BCL11A: variants seen among roughly 807,000 people sequenced by gnomAD.
BCL11A encodes B cell CLL/lymphoma 11A.
BCL11A carries 2 observed loss-of-function variants against 55.9 expected under a neutral mutation model. The ratio of observed to expected loss-of-function variants is 0.04; its 90% CI spans 0.01 to 0.11. BCL11A has a LOEUF of 0.11. Ranked by LOEUF, BCL11A falls within the 10% of genes least tolerant of loss-of-function variation. The pLI is 1.00. For synonymous variants in BCL11A, 465 were observed against 473.4 expected (o/e 0.98, Z 0.23); for missense variants, 817 against 1,137.1 (o/e 0.72, Z 4.05).
chr2:60,512,456 T>G (rs777201054), intron 2 of BCL11A, among the ~76,000 whole-genome samples: 5 of 152,152 alleles, frequency 3.3e-5, no homozygotes, highest in South Asian at 2.1e-4. Context: ...CCACACACAC[T>G]CGCCTCTCAA....
chr2:60,536,028 A>T (rs2104671242), intron 2 of BCL11A: 1 of 152,060 alleles, frequency 6.6e-6, no homozygotes, highest in Non-Finnish European at 1.5e-5. Flanking sequence ...TCCCAACCCC[A>T]ACCTCTCCAA....
Position 60,546,276 on chromosome 2 carries a change from G to C in BCL11A, c.80C>G (p.Thr27Arg), listed in dbSNP as rs762720504. The C allele has an allele frequency of 6.8e-6, 11 of 1,613,742 alleles. No homozygotes were observed. The Admixed American group carries it at 8.3e-5, about 12-fold the overall frequency. The change falls in exon 2 of 4, where the codon ACA becomes AGA. Residue 27 changes from threonine to arginine, a missense_variant. Thr to Arg is a moderately conservative substitution (Grantham distance 71). Around this residue, in one of 4 missense-constraint regions of BCL11A, gnomAD observed 363 missense variants for 486.6 expected, o/e 0.75. Transcript: ENST00000642384. This position sits in a 1 kb window ranked among gnomAD's most constrained non-coding sequence, Gnocchi z 4.1. ...FSPEPLEAILTDDEPDHGPLG... is the reference protein window; with the variant it reads ...FSPEPLEAILRDDEPDHGPLG... ...CGGGCCGTGGTCTGGTTCATCATCT[G>C]TAAGAATGGCTTCAAGAGGCTCGGC...
intron 2 of BCL11A, among the ~76,000 whole-genome samples, chr2:60,514,590 C>T (rs912096419): frequency 6.6e-6 from 1 of 150,888 alleles, no homozygotes; most frequent in African/African-American, 2.4e-5. Context: ...ATCACTTGAA[C>T]CTGGGAGGCG....
At chr2:60,495,815 C>T (rs750837227) in intron 2 of BCL11A, 3 of 152,154 alleles carry the variant, frequency 2.0e-5, no homozygotes, top group Non-Finnish European at 4.4e-5. Context: ...AATTCAATAC[C>T]CCTTCCCCCA....
In BCL11A at chr2:60,460,941, C is replaced by T. The variant is rs149363449; in HGVS notation, c.1971G>A (p.Ser657=). The change falls in exon 4 of 4, where the codon TCG becomes TCA. Residue 657 remains serine, a synonymous_variant. Transcript: ENST00000642384. ...AAMPNTENVY[S]QWLAGYAASR... ...AGGCCGCGTAGCCGGCGAGCCACTG[C>T]GAGTACACGTTCTCCGTGTTGGGCA... is the stretch of plus-strand genomic sequence containing the variant. 5.8e-5 allele frequency: 93 copies of T among 1,612,964 alleles called. No homozygotes were observed. In the African/African-American group the frequency reaches 1.0e-3, roughly 18 times the overall value.
downstream of BCL11A, chr2:60,457,121 C>A: frequency 2.2e-6 from 1 of 459,878 alleles, no homozygotes. Context: ...GACTGGCCTT[C>A]TCTTAAAACC....
intron 2 of BCL11A, chr2:60,535,005 T>TC (rs2104663402): frequency 6.6e-6 from 1 of 152,324 alleles, no homozygotes; most frequent in African/African-American, 2.4e-5. Context: ...ACCTTTTTTT[T>TC]CTCCTTCAGC....
intron 1 of BCL11A, 73 bp downstream of exon 1, chr2:60,553,143 C>T: frequency 6.7e-7 from 1 of 1,487,314 alleles, no homozygotes; most frequent in Non-Finnish European, 9.1e-7. Context: ...CTCTCTCCCC[C>T]TCGCTTTTGC....
At chr2:60,513,010 G>A (rs1264815869) in intron 2 of BCL11A, among the ~76,000 whole-genome samples, 1 of 152,038 alleles carries the variant, frequency 6.6e-6, no homozygotes, top group Non-Finnish European at 1.5e-5. Context: ...AGTCACAGTG[G>A]ACCACACCAC....
chr2:60,537,287 A>AT (rs1410313756), intron 2 of BCL11A: 8 of 152,220 alleles, frequency 5.3e-5, no homozygotes, highest in African/African-American at 1.7e-4. Context: ...TAAAGGAATA[A>AT]TTTTTTTAAA....
chr2:60,491,203 A>C (rs1678608031), intron 2 of BCL11A, among the ~76,000 whole-genome samples: 1 of 152,242 alleles, frequency 6.6e-6, no homozygotes, highest in Non-Finnish European at 1.5e-5. Flanking sequence ...AGTTAGTCTC[A>C]GCCACCTGCG....
At chr2:60,528,204 C>T (rs1669292793) in intron 2 of BCL11A, 1 of 152,668 alleles carries the variant, frequency 6.6e-6, no homozygotes, top group African/African-American at 2.4e-5. Context: ...TGATTCTCCC[C>T]AGCCTTTGAA....
rs779712025 is a variant in BCL11A at position 60,461,193 on chromosome 2, G to T, written c.1719C>A (p.Gly573=). 1.9e-6 allele frequency: 3 copies of T among 1,612,334 alleles called. No individual in the cohort carries two copies. The highest frequency in any genetic ancestry group is 2.5e-6 in the Non-Finnish European group (3 of 1,179,844). ...HQVLGEKHKR[G]HLAEAEGHRD... is the part of the protein sequence containing the mutation. The stretch of plus-strand genomic sequence containing the variant: ...TGTGGCCCTCGGCCTCGGCCAGGTG[G>T]CCGCGCTTATGCTTCTCGCCCAGGA... Residue 573 remains glycine, a synonymous_variant, in exon 4 of 4, where the codon GGC becomes GGA. Transcript: ENST00000642384.
chr2:60,542,195 C>T (rs943753245), intron 2 of BCL11A: 19 of 271,114 alleles, frequency 7.0e-5, no homozygotes, highest in Non-Finnish European at 1.2e-4. Flanking sequence ...CAGGAGCAGA[C>T]TTTACTACAT....
chr2:60,538,161 T>C (rs1056307143), intron 2 of BCL11A: 1 of 152,242 alleles, frequency 6.6e-6, no homozygotes, highest in East Asian at 1.9e-4. Context: ...ACAGGAAGTT[T>C]AAACCTGATC....
At chr2:60,516,142 T>C (rs970538990) in intron 2 of BCL11A, among the ~76,000 whole-genome samples, 5 of 152,216 alleles carry the variant, frequency 3.3e-5, no homozygotes, top group African/African-American at 1.2e-4. Flanking sequence ...TGCTCTAAGA[T>C]GCTTTCCCAT....
Position 60,461,411 on chromosome 2 carries a change from C to T in BCL11A, c.1501G>A (p.Glu501Lys). Residue 501 changes from glutamate (E) to lysine (K), a missense_variant, in exon 4 of 4, where the codon GAG becomes AAG. Glu to Lys is a moderately conservative substitution (Grantham distance 56, BLOSUM62 1). Around this residue, in one of 4 missense-constraint regions of BCL11A, gnomAD observed 379 missense variants for 425.3 expected, o/e 0.89. Coordinates refer to ENST00000642384, the MANE Select transcript of BCL11A (RefSeq NM_022893.4). ...DEEEEEEEEE[E>K]EEELTESERV... ...TCGCTCTCCGTCAGCTCCTCCTCCT[C>T]CTCTTCCTCCTCTTCTTCCTCTTCC... 4 of 1,604,210 alleles carry T rather than the reference C, an allele frequency of 2.5e-6. No homozygotes were observed. Among genetic ancestry groups the T allele is most frequent in the Non-Finnish European group, 3.4e-6 (4 of 1,178,414 alleles).
intron 2 of BCL11A, chr2:60,533,127 T>C (rs1338826211): frequency 6.6e-6 from 1 of 152,236 alleles, no homozygotes; most frequent in Non-Finnish European, 1.5e-5. Context: ...TAGCAGAGTA[T>C]AAAGCACAGC....
chr2:60,452,890 A>G (rs1324457523), downstream of BCL11A: 10 of 471,026 alleles, frequency 2.1e-5, no homozygotes, highest in Non-Finnish European at 1.5e-5. Flanking sequence ...CGTCCCCCCA[A>G]GGAGGACCCA....
Sources: gnomAD v4.1 joint callset for allele counts (sites outside exome capture counted in the v4.1 genomes callset) on GRCh38, gnomAD v4.1.1 for gene constraint, gnomAD v4.1.1 regional missense constraint, Gnocchi (gnomAD v3.1) non-coding constraint, MANE v1.5 for transcripts, NCBI Gene and HGNC (gene_info 2026-07-23, HGNC 2026-07-21) for gene names.